Variants in RIMS2 observed in about 807,000 individuals in gnomAD.
RIMS2 encodes the protein regulating synaptic membrane exocytosis 2.
RIMS2 carries 59 observed loss-of-function variants against 174.4 expected under a neutral mutation model. That is an observed-to-expected ratio of 0.34 (90% CI 0.27 to 0.42). The LOEUF (loss-of-function observed/expected upper bound fraction) is 0.42. RIMS2 is among the 10% of genes least tolerant of loss of function. The pLI is 1.00. For missense variants in RIMS2, 1,620 were observed against 1,666.3 expected (o/e 0.97, Z 0.48); for synonymous variants, 606 against 572.5 (o/e 1.06, Z -0.84).
At chr8:104,079,642 T>TATATATATATATA (rs2097372199) in intron 19 of RIMS2, among the ~76,000 whole-genome samples, 1 of 115,622 alleles carries the variant, frequency 8.6e-6, no homozygotes, top group Non-Finnish European at 1.8e-5. Flanking sequence ...TATATATATA[T>TATATATATATATA]GAAGTAAAAG....
At chr8:103,823,186 C>T (rs1352581928) in intron 3 of RIMS2, among the ~76,000 whole-genome samples, 1 of 151,834 alleles carries the variant, frequency 6.6e-6, no homozygotes, top group African/African-American at 2.4e-5. Flanking sequence ...TCTGGCCACA[C>T]AGAGGCATAA....
chr8:103,885,843 C>T (rs1050937000), exon 4 of RIMS2: 7 of 1,612,762 alleles, frequency 4.3e-6, no homozygotes, highest in African/African-American at 2.7e-5. Context: ...ATGGAAAGAA[C>T]TCGAGAGGCT....
chr8:104,018,734 T>C (rs774527863), intron 19 of RIMS2, among the ~76,000 whole-genome samples: 9 of 152,172 alleles, frequency 5.9e-5, no homozygotes, highest in Admixed American at 3.3e-4. Flanking sequence ...TATAAAGAAA[T>C]ATAGAACGGA....
At chr8:104,120,220 A>C (rs2132284461) in intron 19 of RIMS2, among the ~76,000 whole-genome samples, 1 of 152,334 alleles carries the variant, frequency 6.6e-6, no homozygotes, top group East Asian at 1.9e-4. Flanking sequence ...AGTAGCATTT[A>C]ATGTAAACAT....
intron 2 of RIMS2, among the ~76,000 whole-genome samples, chr8:103,734,649 A>T (rs2097661258): frequency 6.6e-6 from 1 of 151,944 alleles, no homozygotes; most frequent in Non-Finnish European, 1.5e-5. Context: ...TGTTCCTGAC[A>T]GAGTATCTTT....
intron 2 of RIMS2, among the ~76,000 whole-genome samples, chr8:103,757,000 TGTGTGTGTGTGA>T (rs2098024891): frequency 4.3e-4 from 61 of 142,090 alleles, no homozygotes; most frequent in African/African-American, 1.7e-3. Flanking sequence ...TGTGTGTGTG[TGTGTGTGTGTGA>T]GAGAGAGAGA....
intron 1 of RIMS2, among the ~76,000 whole-genome samples, chr8:103,599,852 T>C (rs949872203): frequency 2.0e-5 from 3 of 152,110 alleles, no homozygotes; most frequent in Admixed American, 6.5e-5. Flanking sequence ...TCATGGAAAA[T>C]AGGTATCTGT....
chr8:103,826,305 T>G (rs1318020964), intron 3 of RIMS2, among the ~76,000 whole-genome samples: 1 of 151,672 alleles, frequency 6.6e-6, no homozygotes, highest in Non-Finnish European at 1.5e-5. Flanking sequence ...TGTTAACCCC[T>G]AAGTCAGGCA....
intron 1 of RIMS2, among the ~76,000 whole-genome samples, chr8:103,503,051 TTAGA>T (rs1821222034): frequency 1.3e-5 from 2 of 152,070 alleles, no homozygotes; most frequent in Admixed American, 1.3e-4. Context: ...TTTCCATAGT[TTAGA>T]TAGAAACAAA....
Position 103,655,515 on chromosome 8 carries a change from T to G in RIMS2, c.177-41571T>G, listed in dbSNP as rs1442498553. Among the ~76,000 whole-genome samples, 4 of 152,152 alleles carry G rather than the reference T, an allele frequency of 2.6e-5. No individual in the cohort carries two copies. In the East Asian group the frequency reaches 7.7e-4, roughly 29 times the overall value. ...CATTAAACTAATCAATTGGATTACT[T>G]TACTTTGAATTTTATATTTTAGTTT... On this transcript the variant is annotated intron_variant, in intron 1 of 23. Transcript: ENST00000504942.
At chr8:103,872,245 G>C (rs1276554472) in intron 3 of RIMS2, among the ~76,000 whole-genome samples, 1 of 152,112 alleles carries the variant, frequency 6.6e-6, no homozygotes, top group Non-Finnish European at 1.5e-5. Flanking sequence ...GTGTTGTACT[G>C]TTCTATCTCT....
intron 1 of RIMS2, among the ~76,000 whole-genome samples, chr8:103,521,962 T>C (rs112065146): frequency 2.0e-5 from 3 of 152,174 alleles, no homozygotes; most frequent in Non-Finnish European, 4.4e-5. Context: ...CCAATCTCTA[T>C]TAGTTTTGTA....
intron 3 of RIMS2, among the ~76,000 whole-genome samples, chr8:103,813,974 A>G (rs1334222408): frequency 6.6e-6 from 1 of 152,248 alleles, no homozygotes; most frequent in Non-Finnish European, 1.5e-5. Flanking sequence ...CACTACTAAC[A>G]ATAGTAAAGA....
intron 15 of RIMS2, among the ~76,000 whole-genome samples, chr8:103,974,311 T>C (rs951689294): frequency 1.3e-5 from 2 of 152,210 alleles, no homozygotes; most frequent in African/African-American, 4.8e-5. Context: ...AATGTTGTAA[T>C]GGAACACTTT....
intron 1 of RIMS2, among the ~76,000 whole-genome samples, chr8:103,602,535 C>A (rs966553902): frequency 1.3e-5 from 2 of 152,134 alleles, no homozygotes; most frequent in Admixed American, 1.3e-4. Flanking sequence ...TTAGCTCCCA[C>A]TTACAAGTGA....
At chr8:103,613,489 T>C (rs2095435041) in intron 1 of RIMS2, among the ~76,000 whole-genome samples, 1 of 152,146 alleles carries the variant, frequency 6.6e-6, no homozygotes, top group Non-Finnish European at 1.5e-5. Context: ...CCAGAAATTC[T>C]CTCCAAGAGC....
intron 5 of RIMS2, 34 bp from the exon 8 acceptor site, chr8:103,910,287 G>C (rs975120586): frequency 1.2e-5 from 17 of 1,389,424 alleles, no homozygotes; most frequent in Non-Finnish European, 1.7e-5. Flanking sequence ...TTTCTTTTTT[G>C]TATCTTTTTT....
At chr8:104,056,880 C>T (rs1209112361) in intron 19 of RIMS2, among the ~76,000 whole-genome samples, 1 of 151,910 alleles carries the variant, frequency 6.6e-6, no homozygotes, top group African/African-American at 2.4e-5. Flanking sequence ...GAGCAACACC[C>T]TGTCTTAAAA....
chr8:104,232,856 A>G (rs1205452489), intron 19 of RIMS2, among the ~76,000 whole-genome samples: 3 of 148,306 alleles, frequency 2.0e-5, no homozygotes, highest in Middle Eastern at 3.4e-3. Flanking sequence ...TTTAACTTCT[A>G]TAGTTGAAGG....
Sources: allele counts gnomAD v4.1 joint callset (sites outside exome capture counted in the v4.1 genomes callset), GRCh38; gene constraint gnomAD v4.1.1; transcripts MANE v1.5; gene names NCBI Gene and HGNC (gene_info 2026-07-23, HGNC 2026-07-21).